Variants in TAFA5 observed in about 807,000 individuals in gnomAD.
TAFA5 encodes chemokine-like protein TAFA-5.
In TAFA5, 6 loss-of-function variants were observed where a neutral mutation model predicts 15.3. The observed-to-expected ratio is 0.39, with a 90% CI of 0.21 to 0.77. The LOEUF (loss-of-function observed/expected upper bound fraction) is 0.77, where lower values mean the gene tolerates loss of function less well. TAFA5 is among the 30% of genes least tolerant of loss of function. The pLI is 0.41. For synonymous variants in TAFA5, 103 were observed against 80.7 expected, an observed-to-expected ratio of 1.28 and a Z score of -1.48; for missense variants, 161 against 193.1, an observed-to-expected ratio of 0.83 and a Z score of 0.98.
intron 3 of TAFA5, among the ~76,000 whole-genome samples, chr22:48,744,438 G>A (rs937185754): frequency 6.6e-6 from 1 of 152,210 alleles, no homozygotes; most frequent in African/African-American, 2.4e-5. Context: ...GGGAAGGCCT[G>A]GAGGCATCGA....
chr22:48,639,213 T>C (rs1403352694), intron 1 of TAFA5, among the ~76,000 whole-genome samples: 1 of 150,050 alleles, frequency 6.7e-6, no homozygotes, highest in Admixed American at 6.6e-5. Flanking sequence ...TTTCTCCCCG[T>C]TGGGGACCTG....
rs528371903 is a variant in TAFA5 at position 48,676,412 on chromosome 22, A to T, written c.262+29666A>T. 2.6e-5 allele frequency among the ~76,000 whole-genome samples: 4 copies of T among 152,330 alleles called. No homozygotes were observed. In the South Asian group the frequency reaches 8.3e-4, roughly 32 times the overall value. On this transcript the variant is annotated intron_variant, in intron 2 of 3. Transcript: ENST00000402357. ...TGTGGGGCAGGCAAGCAAAGGAGGC[A>T]TTGGAGGGAGGCGGGCCTCATCCCT...
intron 1 of TAFA5, among the ~76,000 whole-genome samples, chr22:48,600,219 A>G (rs957096287): frequency 6.6e-6 from 1 of 152,214 alleles, no homozygotes; most frequent in African/African-American, 2.4e-5. Context: ...TGCAGGGCAG[A>G]TAAGTGAGGA....
At chr22:48,746,867 C>A (rs1380177007) in intron 3 of TAFA5, among the ~76,000 whole-genome samples, 2 of 152,142 alleles carry the variant, frequency 1.3e-5, no homozygotes. Context: ...CTGCTGAGCT[C>A]CCCGTCCCAC....
chr22:48,558,607 G>A (rs1171839892), intron 1 of TAFA5, among the ~76,000 whole-genome samples: 5 of 152,212 alleles, frequency 3.3e-5, no homozygotes, highest in African/African-American at 1.2e-4. Context: ...TCTCTTCATT[G>A]CTGTGGAATA....
intron 1 of TAFA5, among the ~76,000 whole-genome samples, chr22:48,606,800 G>C (rs1925209322): frequency 6.6e-6 from 1 of 152,218 alleles, no homozygotes; most frequent in Admixed American, 6.5e-5. Flanking sequence ...CTTGGTGGGA[G>C]GAAAGGGGCC....
At chr22:48,626,308 G>A (rs907326409) in intron 1 of TAFA5, among the ~76,000 whole-genome samples, 12 of 152,156 alleles carry the variant, frequency 7.9e-5, no homozygotes, top group African/African-American at 2.7e-4. Flanking sequence ...TCGGACCCCC[G>A]CCGGCCGTGA....
At chr22:48,711,820 C>T (rs753509829) in intron 3 of TAFA5, among the ~76,000 whole-genome samples, 28 of 152,198 alleles carry the variant, frequency 1.8e-4, no homozygotes, top group African/African-American at 2.4e-4. Flanking sequence ...CCCAGCTGCG[C>T]GCCACCATCG....
chr22:48,693,186 G>C, intron 2 of TAFA5: 1 of 1,033,978 alleles, frequency 9.7e-7, no homozygotes, highest in Non-Finnish European at 1.4e-6. Flanking sequence ...TGTCTGCCTG[G>C]AGGGGCCTCA....
intron 1 of TAFA5, among the ~76,000 whole-genome samples, chr22:48,504,658 C>T (rs1253904485): frequency 6.6e-6 from 1 of 152,188 alleles, no homozygotes; most frequent in East Asian, 1.9e-4. Flanking sequence ...TTGGGGCTCA[C>T]CTGCCCCACA....
intron 1 of TAFA5, among the ~76,000 whole-genome samples, chr22:48,594,421 G>A (rs923410814): frequency 2.6e-5 from 4 of 152,222 alleles, no homozygotes; most frequent in African/African-American, 9.6e-5. Flanking sequence ...ACACACACAC[G>A]AGTGTGCACA....
At chr22:48,588,805 A>G (rs1924453995) in intron 1 of TAFA5, among the ~76,000 whole-genome samples, 1 of 151,798 alleles carries the variant, frequency 6.6e-6, no homozygotes, top group African/African-American at 2.4e-5. Flanking sequence ...CTGTGGGAAG[A>G]CCCGTCCCCG....
intron 2 of TAFA5, among the ~76,000 whole-genome samples, chr22:48,649,548 A>G (rs1926981442): frequency 6.6e-6 from 1 of 152,162 alleles, no homozygotes. Context: ...CTGATTAAAC[A>G]CCAGGTACGC....
At chr22:48,619,782 T>C (rs1925738597) in intron 1 of TAFA5, among the ~76,000 whole-genome samples, 1 of 152,252 alleles carries the variant, frequency 6.6e-6, no homozygotes, top group South Asian at 2.1e-4. Context: ...CTGAAAGCCC[T>C]GTGGTCACAG....
rs1369554959 is a variant in TAFA5 at position 48,527,765 on chromosome 22, G to A, written c.112+38061G>A. Among the ~76,000 whole-genome samples the A allele has an allele frequency of 2.6e-5, 4 of 152,228 alleles. No individual in the cohort carries two copies. The South Asian group carries it at 8.3e-4, about 32-fold the overall frequency. ...CTTCCTGGGTCAGCCTCTGTCGTGT[G>A]GTTGAGGGGAGCAGCTGTGGGTCCG... On this transcript the variant is annotated intron_variant, in intron 1 of 3. Transcript: ENST00000402357.
chr22:48,745,327 G>C (rs920992248), intron 3 of TAFA5, among the ~76,000 whole-genome samples: 1 of 149,782 alleles, frequency 6.7e-6, no homozygotes, highest in Admixed American at 6.6e-5. Flanking sequence ...CCTGTCCAGG[G>C]TTCACCCTGA....
rs1930433126 is a variant in TAFA5 at position 48,749,916 on chromosome 22, T to G, written c.*69T>G. Reference sequence around the variant, plus strand: ...TGGAGAGCCCACGTCTCAGCCACAGTTCTCCACTCGCCTCGGACTTCACCC... The same window carrying G: ...TGGAGAGCCCACGTCTCAGCCACAGGTCTCCACTCGCCTCGGACTTCACCC... On this transcript the variant is annotated 3_prime_UTR_variant, in exon 4 of 4. Coordinates refer to ENST00000402357, the MANE Select transcript of TAFA5 (RefSeq NM_001082967.3). 1.4e-6 allele frequency: 2 copies of G among 1,423,568 alleles called. No individual in the cohort carries two copies. The highest frequency in any genetic ancestry group is 2.0e-5 in the Admixed American group (1 of 50,832). The allele number at this position is 1,423,568 out of a possible 1,614,324, so 88.2% of individuals were successfully genotyped here.
At chr22:48,568,294 A>G (rs753195524) in intron 1 of TAFA5, among the ~76,000 whole-genome samples, 1 of 152,120 alleles carries the variant, frequency 6.6e-6, no homozygotes, top group Non-Finnish European at 1.5e-5. Flanking sequence ...CTGGTTTTCT[A>G]TCTCTTCTAT....
intron 2 of TAFA5, among the ~76,000 whole-genome samples, chr22:48,702,731 C>T (rs533235902): frequency 8.5e-5 from 13 of 152,322 alleles, no homozygotes; most frequent in Admixed American, 8.5e-4. Flanking sequence ...TGCAACATTG[C>T]GACCAGAGGG....
Sources: allele counts gnomAD v4.1 joint callset (sites outside exome capture counted in the v4.1 genomes callset), GRCh38; gene constraint gnomAD v4.1.1; transcripts MANE v1.5; gene names NCBI Gene and HGNC (gene_info 2026-07-23, HGNC 2026-07-21).